UCKL1: variants seen among roughly 807,000 people sequenced by gnomAD.
UCKL1 encodes uridine-cytidine kinase 1 like 1.
Under a neutral mutation model 59.2 loss-of-function variants are expected in UCKL1, and 65 were observed. The ratio of observed to expected loss-of-function variants is 1.10; its 90% CI spans 0.90 to 1.35. The LOEUF is 1.35. UCKL1 is among the 40% of genes most tolerant of loss of function. The pLI is 0.00. For synonymous variants in UCKL1, 410 were observed against 323.1 expected (o/e 1.27, Z -2.88); for missense variants, 703 against 784.3 (o/e 0.90, Z 1.24).
At chr20:63,950,776 G>T in intron 1 of UCKL1, 1 of 1,539,020 alleles carries the variant, frequency 6.5e-7, no homozygotes, top group South Asian at 1.2e-5. Flanking sequence ...CTGCTCCAAG[G>T]GCCCGGCACC....
At chr20:63,948,000 G>T (rs6011236) in intron 1 of UCKL1, among the ~76,000 whole-genome samples, 2 of 142,500 alleles carry the variant, frequency 1.4e-5, no homozygotes, top group African/African-American at 4.9e-5. Context: ...CTGGGGGGTT[G>T]GGGGGGCATC....
chr20:63,939,830 T>A lies in UCKL1; in HGVS notation c.*146A>T. On this transcript the variant is annotated 3_prime_UTR_variant, in exon 15 of 15. Transcript: ENST00000354216. The stretch of plus-strand genomic sequence containing the variant: ...TCCTGTGCTGTAACCAATCACACCT[T>A]CATTTTTCTAAAGCTTTATTTATTT... 1 of 803,930 alleles carries A rather than the reference T, an allele frequency of 1.2e-6. No homozygotes were observed. Among genetic ancestry groups the A allele is most frequent in the South Asian group, 1.9e-5 (1 of 53,182 alleles). 49.8% of individuals were successfully genotyped at this position (803,930 alleles called of 1,614,324 possible). A position where few individuals can be genotyped will look rare whatever the true frequency, so the allele number is the denominator to read the frequency against.
At position 63,945,956 on chromosome 20, in the gene UCKL1, T is replaced by C; in HGVS notation, c.431A>G (p.Gln144Arg). 6.2e-7 allele frequency: 1 copy of C among 1,613,820 alleles called. No homozygotes were observed. Among genetic ancestry groups the C allele is most frequent in the Non-Finnish European group, 8.5e-7 (1 of 1,179,980 alleles). Residue 144 changes from glutamine (Q) to arginine (R), a missense_variant, in exon 4 of 15, where the codon CAG becomes CGG. This residue lies in a region of UCKL1 where 398 missense variants were observed against 373.0 expected (regional missense o/e 1.07). Coordinates refer to ENST00000354216, the MANE Select transcript of UCKL1 (RefSeq NM_017859.4). Reference protein sequence around the residue: ...SFYKVLTEQQQEQAAHNNFNF... With the variant: ...SFYKVLTEQQREQAAHNNFNF... Reference sequence around the variant, plus strand: ...GAAGTTGTTGTGTGCGGCCTGTTCCTGCTGCTGCTCAGTCAGCACCTGGTG... The same window carrying C: ...GAAGTTGTTGTGTGCGGCCTGTTCCCGCTGCTGCTCAGTCAGCACCTGGTG...
rs369529793 is a variant in UCKL1, at chr20:63,946,481, G to A, written c.276C>T (p.Gly92=). 5 of 1,576,352 alleles carry A rather than the reference G, an allele frequency of 3.2e-6. No individual in the cohort carries two copies. In the African/African-American group the frequency reaches 4.0e-5, roughly 13 times the overall value. The change falls in exon 2 of 15, where the codon GGC becomes GGT. Residue 92 remains glycine, a synonymous_variant. Coordinates refer to ENST00000354216, the MANE Select transcript of UCKL1 (RefSeq NM_017859.4). ...AGRPPWYNEH[G]TQSKEAFAIG... ...TGGCGAAGGCCTCTTTGGATTGCGT[G>A]CCGTGTTCATTGTACCAGGGCGGCC...
At chr20:63,942,058 G>A (rs1194008125) in intron 8 of UCKL1, among the ~76,000 whole-genome samples, 2 of 2,580 alleles carry the variant, frequency 7.8e-4, no homozygotes, top group African/African-American at 7.6e-3. Flanking sequence ...GACAGCGGCA[G>A]GGAAAGGGGC....
intron 1 of UCKL1, among the ~76,000 whole-genome samples, chr20:63,946,888 G>A (rs2014706): frequency 0.049 from 7,468 of 151,932 alleles, 593 homozygotes; most frequent in African/African-American, 0.17. Flanking sequence ...GACCAGCCTG[G>A]CCAACATGGT....
chr20:63,943,538 C>G, intron 8 of UCKL1, 115 bp downstream of exon 8: 1 of 1,497,530 alleles, frequency 6.7e-7, no homozygotes, highest in Non-Finnish European at 9.2e-7. Context: ...TCCACACCAC[C>G]CCTTCTGTGA....
intron 1 of UCKL1, among the ~76,000 whole-genome samples, chr20:63,948,912 C>G (rs1003486662): frequency 1.3e-5 from 2 of 152,048 alleles, no homozygotes; most frequent in African/African-American, 4.8e-5. Context: ...CTGGGCACTC[C>G]TCCCCGTGCA....
intron 2 of UCKL1, 88 bp from the exon 3 acceptor site, chr20:63,946,355 C>T: frequency 1.3e-6 from 2 of 1,529,824 alleles, no homozygotes; most frequent in Non-Finnish European, 1.8e-6. Context: ...GCTGCCGCTG[C>T]CTGCGGTTGC....
At chr20:63,946,325 G>C in intron 2 of UCKL1, 58 bp from the exon 3 acceptor site, 1 of 1,542,242 alleles carries the variant, frequency 6.5e-7, no homozygotes, top group Non-Finnish European at 8.8e-7. Context: ...GCACAGATAG[G>C]TCCCAGAGGT....
chr20:63,948,062 G>A (rs1439827260), intron 1 of UCKL1, among the ~76,000 whole-genome samples: 2 of 152,242 alleles, frequency 1.3e-5, no homozygotes, highest in African/African-American at 2.4e-5. Flanking sequence ...AGAGCCTGGT[G>A]TGAAGATGCC....
Position 63,945,633 on chromosome 20 carries a change from T to A in UCKL1, c.654+18A>T, listed in dbSNP as rs377453902. 205 of 1,612,192 alleles carry A rather than the reference T, an allele frequency of 1.3e-4. No individual in the cohort carries two copies. Among genetic ancestry groups the A allele is most frequent in the Non-Finnish European group, 1.7e-4 (197 of 1,179,490 alleles). On this transcript the variant is annotated intron_variant, in intron 5 of 14. Coordinates refer to ENST00000354216, the MANE Select transcript of UCKL1 (RefSeq NM_017859.4). ...GGCTGAGATACCAGCGGGGTGGGTA[T>A]TCCCGGCGGGTGCTTACCTCCAACA...
rs929964383 is a variant in UCKL1 at position 63,956,113 on chromosome 20, C to A, written c.113+147G>T. ...CGCTTCAAGCCCGCGGGGTTCCACCCGGCACGTGGGAGAACGGGGCGCCGC... is the reference window on the plus strand; with the variant it reads ...CGCTTCAAGCCCGCGGGGTTCCACCAGGCACGTGGGAGAACGGGGCGCCGC... On this transcript the variant is annotated intron_variant, in intron 1 of 14. Coordinates refer to ENST00000354216, the MANE Select transcript of UCKL1 (RefSeq NM_017859.4). The A allele has an allele frequency of 1.7e-5, 13 of 771,106 alleles. 1 individual carries two copies. Among genetic ancestry groups the A allele is most frequent in the Admixed American group, 1.3e-4 (3 of 23,506 alleles). 47.8% of individuals were successfully genotyped at this position (771,106 alleles called of 1,614,324 possible).
In UCKL1 at chr20:63,944,471, G is replaced by C. The variant is rs752205103; in HGVS notation, c.845-13C>G. On this transcript the variant is annotated splice_polypyrimidine_tract_variant and intron_variant, in intron 6 of 14. Coordinates refer to ENST00000354216, the MANE Select transcript of UCKL1 (RefSeq NM_017859.4). Reference sequence around the variant, plus strand: ...GTGTTGCCGCTCCCTGGGGCGGGATGGGGGGGCGGGTGACCGGGGGCTGGG... The same window carrying C: ...GTGTTGCCGCTCCCTGGGGCGGGATCGGGGGGCGGGTGACCGGGGGCTGGG... The C allele has an allele frequency of 7.6e-5, 120 of 1,573,628 alleles. No individual in the cohort carries two copies. Among genetic ancestry groups the C allele is most frequent in the South Asian group, 2.3e-4 (20 of 86,724 alleles).
rs1231457124 is a variant in UCKL1 at position 63,955,954 on chromosome 20, C to T, written c.113+306G>A. The T allele has an allele frequency of 4.1e-5, 11 of 265,664 alleles. No individual in the cohort carries two copies. The East Asian group carries it at 7.7e-4, about 19-fold the overall frequency. The allele number at this position is 265,664 out of a possible 1,614,324, so 16.5% of individuals were successfully genotyped here. Reference sequence around the variant, plus strand: ...CTCGCACAGTCGAGCAGGCACACAGCCCGCCGGGCGCTCGAGGCCGAGGGC... The same window carrying T: ...CTCGCACAGTCGAGCAGGCACACAGTCCGCCGGGCGCTCGAGGCCGAGGGC... On this transcript the variant is annotated intron_variant, in intron 1 of 14. Coordinates refer to ENST00000354216, the MANE Select transcript of UCKL1 (RefSeq NM_017859.4).
chr20:63,951,901 G>T (rs1415011373), intron 1 of UCKL1, among the ~76,000 whole-genome samples: 1 of 152,186 alleles, frequency 6.6e-6, no homozygotes, highest in African/African-American at 2.4e-5. Context: ...CTCTCCCAGG[G>T]GCAGACAGGT....
intron 5 of UCKL1, 37 bp downstream of exon 5, chr20:63,945,614 G>A: frequency 6.2e-7 from 1 of 1,608,474 alleles, no homozygotes; most frequent in Non-Finnish European, 8.5e-7. Flanking sequence ...CCAGGGCTGA[G>A]ATACCAGCGG....
rs1188741304 is a variant in UCKL1 at position 63,940,775 on chromosome 20, G to C, written c.1179+19C>G. On this transcript the variant is annotated intron_variant, in intron 11 of 14. Transcript: ENST00000354216. ...GCCCCAGCAGCCTGTCCCGCGCCCA[G>C]GTGTGCCCAGGCAGGTACCTGCTTC... 1 of 1,599,326 alleles carries C rather than the reference G, an allele frequency of 6.3e-7. No individual in the cohort carries two copies. Among genetic ancestry groups the C allele is most frequent in the African/African-American group, 1.3e-5 (1 of 74,790 alleles).
chr20:63,943,254 C>T (rs1249490562), intron 8 of UCKL1, among the ~76,000 whole-genome samples: 2 of 152,198 alleles, frequency 1.3e-5, no homozygotes, highest in Non-Finnish European at 2.9e-5. Context: ...CTGACTGGTC[C>T]GTGAGGCTGG....
Sources: allele counts gnomAD v4.1 joint callset (sites outside exome capture counted in the v4.1 genomes callset), GRCh38; gene constraint gnomAD v4.1.1; regional missense constraint gnomAD v4.1.1; transcripts MANE v1.5; gene names NCBI Gene and HGNC (gene_info 2026-07-23, HGNC 2026-07-21).